The following PDE3A variants were observed in gnomAD, a reference collection of about 807,000 sequenced individuals.
PDE3A encodes cGMP-inhibited 3',5'-cyclic phosphodiesterase 3A.
PDE3A carries 43 observed loss-of-function variants against 98.3 expected under a neutral mutation model. The ratio of observed to expected loss-of-function variants is 0.44; its 90% CI spans 0.34 to 0.56. The LOEUF (loss-of-function observed/expected upper bound fraction) is 0.56. PDE3A is among the 20% of genes least tolerant of loss of function. PDE3A has a pLI of 0.01. For missense variants in PDE3A, 1,427 were observed against 1,440.7 expected (o/e 0.99, Z 0.15); for synonymous variants, 663 against 567.9 (o/e 1.17, Z -2.38).
intron 1 of PDE3A, among the ~76,000 whole-genome samples, chr12:20,540,169 G>C (rs1200818601): frequency 1.3e-5 from 2 of 152,068 alleles, no homozygotes; most frequent in African/African-American, 4.8e-5. Flanking sequence ...CTTATGAATT[G>C]AATACATAGC....
At chr12:20,458,852 G>A (rs1470120338) in intron 1 of PDE3A, among the ~76,000 whole-genome samples, 1 of 152,136 alleles carries the variant, frequency 6.6e-6, no homozygotes, top group Non-Finnish European at 1.5e-5. Flanking sequence ...TCGGACTGTT[G>A]TCTACACTAC....
intron 1 of PDE3A, among the ~76,000 whole-genome samples, chr12:20,502,171 G>T (rs1946037072): frequency 1.3e-5 from 2 of 152,134 alleles, no homozygotes. Context: ...TCACGTGACT[G>T]ACTCCATTCC....
In PDE3A at chr12:20,686,914, C is replaced by G. The variant is rs1262516133; in HGVS notation, c.*6643C>G. 9.2e-5 allele frequency among the ~76,000 whole-genome samples: 14 copies of G among 152,058 alleles called. No homozygotes were observed. Among genetic ancestry groups the G allele is most frequent in the Admixed American group, 7.9e-4 (12 of 15,260 alleles). On this transcript the variant is annotated 3_prime_UTR_variant, in exon 16 of 16. Transcript: ENST00000359062. ...ATTTGCAGGGTATCCCAGGACACCC[C>G]TCAGTCTTTAATACAAACCAATTTA...
At chr12:20,638,166 T>C (rs1475773302) in intron 9 of PDE3A, among the ~76,000 whole-genome samples, 2 of 152,172 alleles carry the variant, frequency 1.3e-5, no homozygotes, top group Non-Finnish European at 2.9e-5. Flanking sequence ...TTCTATGCAG[T>C]GCATCAGAGA....
chr12:20,411,613 G>T (rs562929912), intron 1 of PDE3A, among the ~76,000 whole-genome samples: 2 of 151,932 alleles, frequency 1.3e-5, no homozygotes, highest in African/African-American at 4.8e-5. Flanking sequence ...GTCCTAACAG[G>T]TCTCTGGAGA....
rs140727371 is a variant in PDE3A at position 20,622,715 on chromosome 12, G to C, written c.1540+1304G>C. ...TCATCTGGGACCCCAGCAAGGTAGA[G>C]AAACTGCATTTGAGAATTCCACATT... On this transcript the variant is annotated intron_variant, in intron 5 of 15. Transcript: ENST00000359062. Among the ~76,000 whole-genome samples the C allele has an allele frequency of 1.4e-3, 220 of 152,186 alleles. 1 individual carries two copies. The highest frequency in any genetic ancestry group is 5.0e-3 in the African/African-American group (209 of 41,552).
Position 20,682,751 on chromosome 12 carries a change from C to T in PDE3A, c.*2480C>T, listed in dbSNP as rs1163771343. ...GAAAAAAGCATTTATCTTATCTTCTCATACCCCTTGCATCTAAGTACTTAG... is the reference window on the plus strand; with the variant it reads ...GAAAAAAGCATTTATCTTATCTTCTTATACCCCTTGCATCTAAGTACTTAG... On this transcript the variant is annotated 3_prime_UTR_variant, in exon 16 of 16. Transcript: ENST00000359062. 6.6e-6 allele frequency: 1 copy of T among 152,174 alleles called. No individual in the cohort carries two copies. Among genetic ancestry groups the T allele is most frequent in the Non-Finnish European group, 1.5e-5 (1 of 68,026 alleles). 9.4% of individuals were successfully genotyped at this position (152,174 alleles called of 1,614,324 possible).
chr12:20,596,185 T>C (rs573606424), intron 2 of PDE3A, among the ~76,000 whole-genome samples: 1 of 152,212 alleles, frequency 6.6e-6, no homozygotes, highest in African/African-American at 2.4e-5. Flanking sequence ...CTAGCAATTA[T>C]GTCTACAAGA....
At chr12:20,383,589 A>C (rs1262554013) in intron 1 of PDE3A, among the ~76,000 whole-genome samples, 1 of 151,968 alleles carries the variant, frequency 6.6e-6, no homozygotes, top group African/African-American at 2.4e-5. Flanking sequence ...CTTTCAGTCT[A>C]GTCTGAGGTA....
At chr12:20,491,277 C>T (rs937673648) in intron 1 of PDE3A, among the ~76,000 whole-genome samples, 1 of 152,204 alleles carries the variant, frequency 6.6e-6, no homozygotes, top group East Asian at 1.9e-4. Context: ...CTCAAGAGAG[C>T]TGGGAAGTCA....
chr12:20,496,721 G>T (rs1283618469), intron 1 of PDE3A, among the ~76,000 whole-genome samples: 1 of 152,164 alleles, frequency 6.6e-6, no homozygotes, highest in East Asian at 1.9e-4. Flanking sequence ...GCTTTGCTAT[G>T]TTGGATAGAA....
chr12:20,370,403 TTTTTTG>T, intron 1 of PDE3A, 159 bp downstream of exon 1: 4 of 471,930 alleles, frequency 8.5e-6, no homozygotes, highest in African/African-American at 2.1e-5. Flanking sequence ...TTTTTTTGTT[TTTTTTG>T]TTTTTTTTTT....
intron 2 of PDE3A, among the ~76,000 whole-genome samples, chr12:20,598,174 A>AATTATT (rs533512178): frequency 4.7e-5 from 7 of 150,054 alleles, no homozygotes; most frequent in African/African-American, 1.5e-4. Flanking sequence ...TTCTTTTTTT[A>AATTATT]ATTATTATTA....
At chr12:20,480,618 G>T (rs1447489827) in intron 1 of PDE3A, among the ~76,000 whole-genome samples, 1 of 152,128 alleles carries the variant, frequency 6.6e-6, no homozygotes, top group African/African-American at 2.4e-5. Flanking sequence ...TTAACTTATT[G>T]ACTGTTTTCA....
intron 1 of PDE3A, among the ~76,000 whole-genome samples, chr12:20,532,687 CTTTTTTT>C (rs137966114): frequency 9.3e-6 from 1 of 107,888 alleles, no homozygotes. Context: ...GTTTCTCTCT[CTTTTTTT>C]TTTTTTTTTT....
chr12:20,654,660 CTTTTTTTTTTTTT>C (rs71442265), intron 15 of PDE3A, among the ~76,000 whole-genome samples: 4 of 85,856 alleles, frequency 4.7e-5, no homozygotes, highest in African/African-American at 9.0e-5. Flanking sequence ...CTACACCCGG[CTTTTTTTTTTTTT>C]TTTTTTTTTT....
rs750311185 is a variant in PDE3A, at chr12:20,369,194, T to TGG, written c.-90_-89insGG. On this transcript the variant is annotated 5_prime_UTR_variant, in exon 1 of 16. Transcript: ENST00000359062. Reference sequence around the variant, plus strand: ...GAATTGGGAAGAGCGTGCGTGCGTGTGTGTGTGTGTGTGTGTGCGCGCGCG... The same window carrying TGG: ...GAATTGGGAAGAGCGTGCGTGCGTGTGGGTGTGTGTGTGTGTGTGCGCGCGCG... 2 of 246,650 alleles carry TGG rather than the reference T, an allele frequency of 8.1e-6. No homozygotes were observed. Among genetic ancestry groups the TGG allele is most frequent in the Non-Finnish European group, 1.3e-5 (2 of 152,958 alleles). 15.3% of individuals were successfully genotyped at this position (246,650 alleles called of 1,614,324 possible).
chr12:20,531,023 A>G (rs1229012996), intron 1 of PDE3A, among the ~76,000 whole-genome samples: 1 of 152,150 alleles, frequency 6.6e-6, no homozygotes, highest in East Asian at 1.9e-4. Flanking sequence ...ATGTCACCCC[A>G]AAGTAGGTTG....
At chr12:20,505,797 CA>C (rs1946106102) in intron 1 of PDE3A, among the ~76,000 whole-genome samples, 1 of 151,694 alleles carries the variant, frequency 6.6e-6, no homozygotes, top group African/African-American at 2.4e-5. Flanking sequence ...AGTGGTTTTC[CA>C]AGTTATTTTG....
Sources: gnomAD v4.1 joint callset for allele counts (sites outside exome capture counted in the v4.1 genomes callset) on GRCh38, gnomAD v4.1.1 for gene constraint, MANE v1.5 for transcripts, NCBI Gene and HGNC (gene_info 2026-07-23, HGNC 2026-07-21) for gene names.